Variants in UVRAG observed in about 807,000 individuals in gnomAD.
The protein encoded by UVRAG is UV radiation resistance-associated gene protein.
A neutral mutation model predicts 78.0 loss-of-function variants in UVRAG; 19 were observed. The observed-to-expected ratio is 0.24, with a 90% CI of 0.17 to 0.36. The LOEUF (loss-of-function observed/expected upper bound fraction) is 0.36. Among genes scored for constraint, UVRAG ranks in the 10% least tolerant of loss-of-function variants. The probability of loss-of-function intolerance (pLI) is 1.00; values close to 1 mark genes in which losing one functional copy is unlikely to be tolerated. For synonymous variants in UVRAG, 323 were observed against 324.6 expected, an observed-to-expected ratio of 1.00 and a Z score of 0.05; for missense variants, 740 against 853.8, an observed-to-expected ratio of 0.87 and a Z score of 1.66.
intron 6 of UVRAG, among the ~76,000 whole-genome samples, chr11:75,934,259 G>A (rs183551990): frequency 9.7e-4 from 148 of 152,252 alleles, no homozygotes; most frequent in African/African-American, 3.4e-3. Context: ...AACATCACAT[G>A]TTCTCACTTA....
chr11:76,071,690 G>T (rs1449337220), intron 13 of UVRAG, among the ~76,000 whole-genome samples: 1 of 152,118 alleles, frequency 6.6e-6, no homozygotes, highest in Non-Finnish European at 1.5e-5. Flanking sequence ...CCAGATTAGG[G>T]GCAATGGTGG....
chr11:76,026,598 A>G (rs1950330493), intron 12 of UVRAG, among the ~76,000 whole-genome samples: 1 of 152,094 alleles, frequency 6.6e-6, no homozygotes, highest in African/African-American at 2.4e-5. Flanking sequence ...ATTTCTTATA[A>G]CCTTTCATCT....
chr11:75,983,587 A>C, intron 8 of UVRAG, 74 bp downstream of exon 8: 60 of 1,468,804 alleles, frequency 4.1e-5, no homozygotes, highest in East Asian at 4.8e-5. Flanking sequence ...TCACAAGCTC[A>C]AATAGTCATT....
At chr11:76,053,691 G>T (rs369367598) in intron 12 of UVRAG, among the ~76,000 whole-genome samples, 1 of 152,108 alleles carries the variant, frequency 6.6e-6, no homozygotes, top group Non-Finnish European at 1.5e-5. Context: ...TATCCTCCCA[G>T]CTGGGCACGG....
intron 2 of UVRAG, among the ~76,000 whole-genome samples, chr11:75,858,681 C>T (rs890916906): frequency 4.7e-4 from 71 of 152,276 alleles, no homozygotes; most frequent in African/African-American, 1.5e-3. Context: ...GTAGATATTG[C>T]GAAATTGCCC....
chr11:76,047,230 A>G (rs933703248), intron 12 of UVRAG, among the ~76,000 whole-genome samples: 1 of 152,182 alleles, frequency 6.6e-6, no homozygotes, highest in African/African-American at 2.4e-5. Flanking sequence ...AGGATAGAAC[A>G]TTTGCACTGG....
At chr11:75,821,215 G>A (rs914649263) in intron 1 of UVRAG, among the ~76,000 whole-genome samples, 5 of 152,132 alleles carry the variant, frequency 3.3e-5, no homozygotes, top group Non-Finnish European at 5.9e-5. Flanking sequence ...ACTTTGCAAT[G>A]TTTTCAAGGT....
chr11:75,832,747 G>A (rs1292809013), intron 1 of UVRAG, among the ~76,000 whole-genome samples: 2 of 152,164 alleles, frequency 1.3e-5, no homozygotes, highest in African/African-American at 4.8e-5. Flanking sequence ...ATGCCTCAGT[G>A]TTTCTGCCCT....
chr11:76,086,141 C>G (rs1298281635), intron 13 of UVRAG, among the ~76,000 whole-genome samples: 1 of 152,170 alleles, frequency 6.6e-6, no homozygotes, highest in Non-Finnish European at 1.5e-5. Context: ...ATTTAAAATT[C>G]GGGCCTGTTA....
In UVRAG at chr11:76,104,238, T is replaced by C. The variant is rs138221046; in HGVS notation, c.1306-11686T>C. On this transcript the variant is annotated intron_variant, in intron 13 of 14. Transcript: ENST00000356136. ...AGATGACATAAGTAAACAGTCTAGT[T>C]CCATGCCTAGCACAGATTGCAGGTT... 9.8e-3 allele frequency among the ~76,000 whole-genome samples: 1,487 copies of C among 152,286 alleles called. 26 individuals carry two copies. The highest frequency in any genetic ancestry group is 0.034 in the African/African-American group (1,401 of 41,556).
In UVRAG at chr11:76,106,588, G is replaced by A. The variant is rs192926750; in HGVS notation, c.1306-9336G>A. 1.3e-4 allele frequency among the ~76,000 whole-genome samples: 20 copies of A among 152,082 alleles called. No homozygotes were observed. The East Asian group carries it at 1.9e-3, about 15-fold the overall frequency. ...TTACCATGTTGGCCAGGCTGGTCTC[G>A]AACTCCTGACCTTAGGTGATCCACC... On this transcript the variant is annotated intron_variant, in intron 13 of 14. Transcript: ENST00000356136.
chr11:75,938,592 G>T (rs2135129381), intron 6 of UVRAG, among the ~76,000 whole-genome samples: 1 of 152,210 alleles, frequency 6.6e-6, no homozygotes, highest in Admixed American at 6.5e-5. Context: ...ACCTACCCCT[G>T]AAGCAAACCT....
At position 75,974,414 on chromosome 11, in the gene UVRAG, C is replaced by T. The variant is rs554316405; in HGVS notation, c.700-8973C>T. Among the ~76,000 whole-genome samples, 1,198 of 134,542 alleles carry T rather than the reference C, an allele frequency of 8.9e-3. 21 individuals carry two copies. Among genetic ancestry groups the T allele is most frequent in the African/African-American group, 0.033 (1,141 of 35,092 alleles). 88.3% of individuals were successfully genotyped at this position (134,542 alleles called of 152,430 possible). On this transcript the variant is annotated intron_variant, in intron 7 of 14. Coordinates refer to ENST00000356136, the MANE Select transcript of UVRAG (RefSeq NM_003369.4). ...TCGCTCTGTCGCCCAGGCCGGACTG[C>T]GGACTGCAGTGGCGCAATCTCGGCT... is the stretch of plus-strand genomic sequence containing the variant.
chr11:76,030,327 C>G (rs1236309247), intron 12 of UVRAG, among the ~76,000 whole-genome samples: 1 of 152,004 alleles, frequency 6.6e-6, no homozygotes, highest in Non-Finnish European at 1.5e-5. Context: ...GCCACAACAC[C>G]CGGCCAAGAT....
intron 14 of UVRAG, among the ~76,000 whole-genome samples, chr11:76,134,830 A>G (rs1292290322): frequency 6.6e-6 from 1 of 152,234 alleles, no homozygotes; most frequent in African/African-American, 2.4e-5. Flanking sequence ...GTCATTAAAT[A>G]TGCCCACAGT....
At position 76,142,879 on chromosome 11, in the gene UVRAG, A is replaced by G. The variant is rs1048165072; in HGVS notation, c.*1466A>G. 6.6e-6 allele frequency: 1 copy of G among 152,352 alleles called. No homozygotes were observed. Among genetic ancestry groups the G allele is most frequent in the Non-Finnish European group, 1.5e-5 (1 of 68,052 alleles). 9.4% of individuals were successfully genotyped at this position (152,352 alleles called of 1,614,324 possible). On this transcript the variant is annotated 3_prime_UTR_variant, in exon 15 of 15. Coordinates refer to ENST00000356136, the MANE Select transcript of UVRAG (RefSeq NM_003369.4). ...AGCTTCACTCACAGGCCTCACCGTC[A>G]CTTTATTTTGTGTCCAAGCATTCCT...
intron 6 of UVRAG, among the ~76,000 whole-genome samples, chr11:75,921,979 C>CA (rs1183872535): frequency 6.6e-6 from 1 of 152,032 alleles, no homozygotes; most frequent in Non-Finnish European, 1.5e-5. Flanking sequence ...TCAAGTAAGG[C>CA]ACGTCCTGTT....
At chr11:75,860,477 T>TA (rs1350570351) in intron 2 of UVRAG, among the ~76,000 whole-genome samples, 1 of 152,224 alleles carries the variant, frequency 6.6e-6, no homozygotes, top group Non-Finnish European at 1.5e-5. Flanking sequence ...TACCCTGTAA[T>TA]AAAAAACAAT....
chr11:75,992,767 A>G (rs1393011779), intron 8 of UVRAG, among the ~76,000 whole-genome samples: 2 of 152,208 alleles, frequency 1.3e-5, no homozygotes, highest in African/African-American at 4.8e-5. Context: ...ATTCTTGTAC[A>G]TTTACATGAA....
Sources: gnomAD v4.1 joint callset for allele counts (sites outside exome capture counted in the v4.1 genomes callset) on GRCh38, gnomAD v4.1.1 for gene constraint, MANE v1.5 for transcripts, NCBI Gene and HGNC (gene_info 2026-07-23, HGNC 2026-07-21) for gene names.